The following ABCA13 variants were observed in gnomAD, a reference collection of about 807,000 sequenced individuals.
ABCA13 encodes the protein ATP-binding cassette sub-family A member 13.
Under a neutral mutation model 478.7 loss-of-function variants are expected in ABCA13, and 476 were observed. The observed-to-expected ratio is 0.99, with a 90% CI of 0.92 to 1.07. The LOEUF (loss-of-function observed/expected upper bound fraction) is 1.07. ABCA13 is among the 50% of genes least tolerant of loss of function. The pLI is 0.00. For synonymous variants in ABCA13, 2,252 were observed against 2,158.9 expected, an observed-to-expected ratio of 1.04 and a Z score of -1.20; for missense variants, 6,060 against 5,910.6, an observed-to-expected ratio of 1.03 and a Z score of -0.83.
At chr7:48,489,412 A>G (rs1585561725) in intron 48 of ABCA13, 68 bp downstream of exon 48, 2 of 1,370,642 alleles carry the variant, frequency 1.5e-6, no homozygotes, top group East Asian at 5.0e-5. Context: ...AGTGAAAGAA[A>G]CAGAAAAGTT....
chr7:48,230,078 G>T, intron 7 of ABCA13, 123 bp downstream of exon 7: 2 of 1,236,994 alleles, frequency 1.6e-6, no homozygotes, highest in Non-Finnish European at 2.1e-6. Context: ...ATTCAAAAAA[G>T]TATGAATTGT....
At chr7:48,305,644 G>A (rs1018883317) in intron 23 of ABCA13, among the ~76,000 whole-genome samples, 3 of 152,186 alleles carry the variant, frequency 2.0e-5, no homozygotes, top group Non-Finnish European at 4.4e-5. Context: ...GGGCAACATG[G>A]AGGCCATCTC....
At chr7:48,503,148 G>A (rs185546741) in intron 48 of ABCA13, among the ~76,000 whole-genome samples, 8 of 152,228 alleles carry the variant, frequency 5.3e-5, no homozygotes, top group East Asian at 1.9e-4. Flanking sequence ...ATGCAGTGGC[G>A]CAATCATGGT....
chr7:48,530,455 G>A (rs1179672390), intron 55 of ABCA13, among the ~76,000 whole-genome samples: 1 of 151,996 alleles, frequency 6.6e-6, no homozygotes, highest in East Asian at 1.9e-4. Flanking sequence ...ATAAACGTGT[G>A]CGCAAATATC....
intron 42 of ABCA13, among the ~76,000 whole-genome samples, chr7:48,450,013 C>A (rs1212632385): frequency 1.3e-5 from 2 of 152,200 alleles, no homozygotes; most frequent in African/African-American, 2.4e-5. Context: ...GTTTCACTGA[C>A]ACGTTTTGTT....
chr7:48,364,473 G>A (rs67631839), intron 31 of ABCA13, among the ~76,000 whole-genome samples: 6 of 151,880 alleles, frequency 4.0e-5, no homozygotes, highest in African/African-American at 1.5e-4. Flanking sequence ...TTATTGTTAA[G>A]TACAGTTCCC....
intron 3 of ABCA13, among the ~76,000 whole-genome samples, chr7:48,210,312 C>T (rs1785470113): frequency 6.6e-6 from 1 of 151,992 alleles, no homozygotes; most frequent in South Asian, 2.1e-4. Flanking sequence ...GGAACTGCCC[C>T]CATGATCTAA....
At chr7:48,474,374 T>A (rs987644069) in intron 45 of ABCA13, among the ~76,000 whole-genome samples, 1 of 151,970 alleles carries the variant, frequency 6.6e-6, no homozygotes, top group African/African-American at 2.4e-5. Flanking sequence ...GAGAGAGAAA[T>A]TAGGTTCTCT....
At chr7:48,469,182 T>A (rs1318068358) in intron 44 of ABCA13, among the ~76,000 whole-genome samples, 1 of 152,238 alleles carries the variant, frequency 6.6e-6, no homozygotes, top group Non-Finnish European at 1.5e-5. Context: ...ATAAGGTTTA[T>A]TTTTGTAATT....
At chr7:48,644,587 T>C (rs1157218398) in intron 60 of ABCA13, 30 bp from the exon 61 acceptor site, 17 of 1,449,278 alleles carry the variant, frequency 1.2e-5, no homozygotes, top group Non-Finnish European at 1.6e-5. Context: ...AGTTATATGA[T>C]ACTTTTTTTT....
intron 3 of ABCA13, among the ~76,000 whole-genome samples, chr7:48,203,559 T>C (rs1784508491): frequency 6.6e-6 from 1 of 152,234 alleles, no homozygotes; most frequent in South Asian, 2.1e-4. Context: ...ATGTAGCTTA[T>C]GGTTATGAAA....
At chr7:48,378,082 C>T (rs1813782357) in intron 35 of ABCA13, among the ~76,000 whole-genome samples, 1 of 152,104 alleles carries the variant, frequency 6.6e-6, no homozygotes, top group Non-Finnish European at 1.5e-5. Context: ...CCTCTGAATC[C>T]CACTGTGGAA....
Position 48,287,965 on chromosome 7 carries a change from C to A in ABCA13, c.8842C>A (p.Pro2948Thr), listed in dbSNP as rs780575078. 2 of 1,613,172 alleles carry A rather than the reference C, an allele frequency of 1.2e-6. No individual in the cohort carries two copies. Among genetic ancestry groups the A allele is most frequent in the African/African-American group, 2.7e-5 (2 of 74,880 alleles). ...CTGTGTGTTTCCTCTGGCAGAAAAC[C>A]CTTCCTGGACCAAGGACATTTTGTG... ...VRVLTIVAENPSWTKDILCAT... is the reference protein window; with the variant it reads ...VRVLTIVAENTSWTKDILCAT... The change falls in exon 20 of 62, where the codon CCT (proline) becomes ACT (threonine). Residue 2948 changes from proline (P) to threonine (T), a missense_variant. Physicochemically the swap from Pro to Thr is conservative, Grantham distance 38 (BLOSUM62 -1). Coordinates refer to ENST00000435803, the MANE Select transcript of ABCA13 (RefSeq NM_152701.5).
intron 27 of ABCA13, among the ~76,000 whole-genome samples, chr7:48,318,460 C>G (rs369127601): frequency 9.9e-5 from 15 of 151,498 alleles, no homozygotes; most frequent in African/African-American, 3.6e-4. Context: ...CTCAGTCTCC[C>G]GAAGTGCTGA....
At chr7:48,215,484 A>G (rs1028018372) in intron 3 of ABCA13, among the ~76,000 whole-genome samples, 1 of 152,238 alleles carries the variant, frequency 6.6e-6, no homozygotes, top group Non-Finnish European at 1.5e-5. Flanking sequence ...CCAAAATGTG[A>G]CACAGAGACA....
chr7:48,352,393 G>T lies in ABCA13; in HGVS notation c.10594G>T (p.Glu3532Ter), dbSNP rs759818169. The change falls in exon 31 of 62, where the codon GAA becomes TAA. Residue 3532 changes from glutamate to a stop codon, truncating the protein, a stop_gained. Transcript: ENST00000435803. LOFTEE classifies it high-confidence loss of function. ...YVFAPLQDMI[E>*]RAIILVQTGQ... ...CTTTGCCCCACTGCAAGACATGATCGAAAGAGCCATCATTTTGGTGCAGAC... is the reference window on the plus strand; with the variant it reads ...CTTTGCCCCACTGCAAGACATGATCTAAAGAGCCATCATTTTGGTGCAGAC... The T allele has an allele frequency of 4.3e-6, 7 of 1,613,202 alleles. No individual in the cohort carries two copies. The highest frequency in any genetic ancestry group is 1.3e-5 in the African/African-American group (1 of 74,640).
intron 57 of ABCA13, among the ~76,000 whole-genome samples, chr7:48,590,744 G>A (rs771807305): frequency 4.6e-5 from 7 of 151,996 alleles, no homozygotes; most frequent in African/African-American, 7.2e-5. Context: ...TAATAATGTC[G>A]AACATCTTTT....
intron 42 of ABCA13, among the ~76,000 whole-genome samples, chr7:48,447,322 A>G (rs1824425409): frequency 6.6e-6 from 1 of 152,162 alleles, no homozygotes; most frequent in Non-Finnish European, 1.5e-5. Flanking sequence ...AGAGTTGGGT[A>G]GGGCATCTTG....
chr7:48,551,900 ACAGT>A (rs1785361801), intron 55 of ABCA13, among the ~76,000 whole-genome samples: 2 of 151,756 alleles, frequency 1.3e-5, no homozygotes, highest in African/African-American at 4.8e-5. Context: ...CTGTCTTCTG[ACAGT>A]CAGCATGCAA....
Sources: allele counts gnomAD v4.1 joint callset (sites outside exome capture counted in the v4.1 genomes callset), GRCh38; gene constraint gnomAD v4.1.1; transcripts MANE v1.5; gene names NCBI Gene and HGNC (gene_info 2026-07-23, HGNC 2026-07-21).